Variants in CACNA1A observed in about 807,000 individuals in gnomAD.
CACNA1A encodes calcium voltage-gated channel subunit alpha1 A, also known as voltage-dependent P/Q-type calcium channel subunit alpha-1A.
A neutral mutation model predicts 262.4 loss-of-function variants in CACNA1A; 57 were observed. The ratio of observed to expected loss-of-function variants is 0.22; its 90% confidence interval spans 0.18 to 0.27. The LOEUF (loss-of-function observed/expected upper bound fraction) is 0.27, where lower values mean the gene tolerates loss of function less well. Among genes scored for constraint, CACNA1A ranks in the 10% least tolerant of loss-of-function variants. The pLI is 1.00. For missense variants in CACNA1A, 2,526 were observed against 3,562.8 expected (o/e 0.71, Z 7.41); for synonymous variants, 1,431 against 1,419.3 (o/e 1.01, Z -0.18).
chr19:13,229,027 T>A, intron 36 of CACNA1A: 1 of 290,546 alleles, frequency 3.4e-6, no homozygotes, highest in Non-Finnish European at 6.4e-6. Flanking sequence ...TCTCTCTGCA[T>A]CTGCCTCCTC....
chr19:13,227,903 C>T (rs1417241337), intron 36 of CACNA1A, among the ~76,000 whole-genome samples: 1 of 74,262 alleles, frequency 1.3e-5, no homozygotes, highest in Non-Finnish European at 2.3e-5. Flanking sequence ...TGTTCATTGC[C>T]TTTTTTTTTT....
intron 1 of CACNA1A, among the ~76,000 whole-genome samples, chr19:13,496,499 C>T (rs1025618191): frequency 4.6e-5 from 7 of 152,102 alleles, no homozygotes; most frequent in Non-Finnish European, 8.8e-5. Flanking sequence ...AGAAGGATTG[C>T]TGAGACGTGG....
chr19:13,472,287 G>GATA (rs1978286656), intron 1 of CACNA1A, among the ~76,000 whole-genome samples: 1 of 151,400 alleles, frequency 6.6e-6, no homozygotes, highest in Non-Finnish European at 1.5e-5. Context: ...TATATAGACA[G>GATA]GTAGATAGAT....
intron 19 of CACNA1A, among the ~76,000 whole-genome samples, chr19:13,296,817 T>C (rs886072290): frequency 2.0e-5 from 3 of 152,200 alleles, no homozygotes; most frequent in African/African-American, 7.2e-5. Flanking sequence ...TGAAGTGCAG[T>C]GGTGCAATCA....
chr19:13,348,664 C>T (rs956015708), intron 6 of CACNA1A, among the ~76,000 whole-genome samples: 8 of 152,280 alleles, frequency 5.3e-5, no homozygotes, highest in African/African-American at 1.4e-4. Context: ...GGTGAAACCC[C>T]GTCTTTACTA....
intron 3 of CACNA1A, among the ~76,000 whole-genome samples, chr19:13,439,269 C>T (rs2144869559): frequency 7.0e-6 from 1 of 142,944 alleles, no homozygotes; most frequent in Admixed American, 7.1e-5. Flanking sequence ...CCACCACGCT[C>T]AGCTAATTTG....
intron 46 of CACNA1A, 121 bp from the exon 47 acceptor site, chr19:13,208,174 GGGAGGGGGAGGAGGA>G (rs1393936386): frequency 7.8e-4 from 91 of 117,406 alleles, no homozygotes; most frequent in African/African-American, 2.0e-3. Context: ...AGGGAGGAGG[GGGAGGGGGAGGAGGA>G]GGAGGAGGAG....
intron 3 of CACNA1A, among the ~76,000 whole-genome samples, chr19:13,383,801 A>ATTGT (rs552051838): frequency 1.1e-4 from 16 of 152,040 alleles, no homozygotes; most frequent in South Asian, 4.2e-4. Context: ...CTGGAATTAT[A>ATTGT]TTGTTTGTTT....
intron 3 of CACNA1A, among the ~76,000 whole-genome samples, chr19:13,393,638 TTC>T (rs551113255): frequency 4.8e-4 from 71 of 147,832 alleles, no homozygotes; most frequent in Middle Eastern, 3.4e-3. Context: ...TTCTTTAGCT[TTC>T]TCTTTCTTTC....
intron 3 of CACNA1A, among the ~76,000 whole-genome samples, chr19:13,408,162 A>T (rs1481920107): frequency 6.6e-6 from 1 of 152,110 alleles, no homozygotes; most frequent in Non-Finnish European, 1.5e-5. Flanking sequence ...CAATGTGAGA[A>T]CAAACGAATA....
intron 1 of CACNA1A, among the ~76,000 whole-genome samples, chr19:13,456,406 C>G (rs992200190): frequency 8.5e-5 from 13 of 152,150 alleles, no homozygotes; most frequent in Admixed American, 7.9e-4. Context: ...GGTGTGGTGG[C>G]TCACGCCTGT....
Position 13,241,514 on chromosome 19 carries a change from G to A in CACNA1A, c.4950+3668C>T, listed in dbSNP as rs780533343. The A allele has an allele frequency of 1.0e-5, 13 of 1,264,198 alleles. No individual in the cohort carries two copies. Among genetic ancestry groups the A allele is most frequent in the Middle Eastern group, 4.3e-4 (2 of 4,682 alleles). 78.3% of individuals were successfully genotyped at this position (1,264,198 alleles called of 1,614,324 possible). A position where few individuals can be genotyped will look rare whatever the true frequency, so the allele number is the denominator to read the frequency against. On this transcript the variant is annotated intron_variant, in intron 31 of 46. Transcript: ENST00000360228. The surrounding 1 kb of genome is among the most constrained non-coding windows in gnomAD (Gnocchi z 4.0). ...GCATTTAGACTTCAGAAAGAAGTAA[G>A]ACCAACCGGATTCTAGATGCAGATG...
intron 38 of CACNA1A, 28 bp downstream of exon 38, chr19:13,224,639 T>C: frequency 6.6e-7 from 1 of 1,517,588 alleles, no homozygotes; most frequent in Non-Finnish European, 9.0e-7. Context: ...GTCACGCCTG[T>C]CTGTGCCCGC....
intron 1 of CACNA1A, among the ~76,000 whole-genome samples, chr19:13,494,884 T>C (rs1005706428): frequency 6.6e-6 from 1 of 152,060 alleles, no homozygotes; most frequent in Middle Eastern, 3.2e-3. Context: ...GTCCCTCCCA[T>C]GACATGTGGG....
At chr19:13,408,785 C>T (rs2060057492) in intron 3 of CACNA1A, among the ~76,000 whole-genome samples, 1 of 152,186 alleles carries the variant, frequency 6.6e-6, no homozygotes, top group South Asian at 2.1e-4. Flanking sequence ...GGAATACCAC[C>T]TCAGCCCAGG....
intron 3 of CACNA1A, among the ~76,000 whole-genome samples, chr19:13,388,245 C>CTTTTT (rs1161893626): frequency 8.2e-5 from 7 of 85,714 alleles, no homozygotes; most frequent in Admixed American, 1.5e-4. Flanking sequence ...TCTTCCTCTT[C>CTTTTT]TTTTTTTTTT....
At position 13,359,592 on chromosome 19, in the gene CACNA1A, C is replaced by A; in HGVS notation, c.978+14G>T. ...ACTCTGATTGTCCACACACACTGTC[C>A]CAGCATCACTTACATTGTAGAGGAG... On this transcript the variant is annotated intron_variant, in intron 6 of 46. Coordinates refer to ENST00000360228, the MANE Select transcript of CACNA1A (RefSeq NM_001127222.2). The A allele has an allele frequency of 6.3e-7, 1 of 1,598,038 alleles. No individual in the cohort carries two copies. The highest frequency in any genetic ancestry group is 1.1e-5 in the South Asian group (1 of 89,214).
chr19:13,209,709 A>G (rs1388125891), intron 44 of CACNA1A, among the ~76,000 whole-genome samples: 1 of 152,154 alleles, frequency 6.6e-6, no homozygotes, highest in Non-Finnish European at 1.5e-5. Flanking sequence ...GTGGAGCCTG[A>G]GGATTCCTCT....
chr19:13,388,479 C>A (rs1389443269), intron 3 of CACNA1A, among the ~76,000 whole-genome samples: 3 of 152,046 alleles, frequency 2.0e-5, no homozygotes, highest in African/African-American at 2.4e-5. Context: ...TGGTCTCGAA[C>A]TCCTGACCTT....
Sources: gnomAD v4.1 joint callset for allele counts (sites outside exome capture counted in the v4.1 genomes callset) on GRCh38, gnomAD v4.1.1 for gene constraint, Gnocchi (gnomAD v3.1) non-coding constraint, MANE v1.5 for transcripts, NCBI Gene and HGNC (gene_info 2026-07-23, HGNC 2026-07-21) for gene names.